SLC15A4: variants seen among roughly 807,000 people sequenced by gnomAD.
SLC15A4 encodes the protein hPHT1.
A neutral mutation model predicts 46.1 loss-of-function variants in SLC15A4; 26 were observed. That is an observed-to-expected ratio of 0.56 (90% CI 0.41 to 0.78). SLC15A4 has a LOEUF of 0.78. Ranked by LOEUF, SLC15A4 falls within the 30% of genes least tolerant of loss-of-function variation. The probability of loss-of-function intolerance (pLI) is 0.00; values close to 1 mark genes in which losing one functional copy is unlikely to be tolerated. For missense variants in SLC15A4, 751 were observed against 755.7 expected (o/e 0.99, Z 0.07); for synonymous variants, 370 against 333.4 (o/e 1.11, Z -1.20).
chr12:128,811,095 AGAC>A (rs1955651145), intron 2 of SLC15A4, among the ~76,000 whole-genome samples: 1 of 152,182 alleles, frequency 6.6e-6, no homozygotes, highest in Non-Finnish European at 1.5e-5. Flanking sequence ...AGGCCCCACT[AGAC>A]AGCTCCGCAC....
intron 6 of SLC15A4, among the ~76,000 whole-genome samples, chr12:128,800,480 T>C (rs1955504197): frequency 6.6e-6 from 1 of 152,238 alleles, no homozygotes; most frequent in East Asian, 1.9e-4. Context: ...AAATTAGATC[T>C]GCTTCTTTAC....
At position 128,823,883 on chromosome 12, in the gene SLC15A4, C is replaced by A. The variant is rs2135729364; in HGVS notation, c.61G>T (p.Ala21Ser). The change falls in exon 1 of 8, where the codon GCG becomes TCG. Residue 21 changes from alanine (A) to serine (S), a missense_variant. Transcript: ENST00000266771. ...GCCCCAGCCGCCGCCGCGGCCGCCG[C>A]CGCCCGCCGCGCGCCCAGCAGCGGC... ...RAPLLGARRA[A>S]AAAAAAGAFA... The A allele has an allele frequency of 2.1e-6, 2 of 958,414 alleles. No individual in the cohort carries two copies. The highest frequency in any genetic ancestry group is 1.8e-5 in the African/African-American group (1 of 56,254). The allele number at this position is 958,414 out of a possible 1,614,324, so 59.4% of individuals were successfully genotyped here. A position where few individuals can be genotyped will look rare whatever the true frequency, so the allele number is the denominator to read the frequency against.
At chr12:128,800,160 A>G (rs1955498216) in intron 6 of SLC15A4, among the ~76,000 whole-genome samples, 1 of 152,146 alleles carries the variant, frequency 6.6e-6, no homozygotes, top group African/African-American at 2.4e-5. Flanking sequence ...CTTCAAAACT[A>G]TTTTGGCAGG....
chr12:128,794,122 C>A lies in SLC15A4; in HGVS notation c.*74G>T. ...CAGACATTTTATGGGAATTTAAAGT[C>A]TTGCCTGTTCTCAGTGCACCCCAGT... is the stretch of plus-strand genomic sequence containing the variant. On this transcript the variant is annotated 3_prime_UTR_variant, in exon 8 of 8. Transcript: ENST00000266771. 1 of 1,357,184 alleles carries A rather than the reference C, an allele frequency of 7.4e-7. No individual in the cohort carries two copies. The allele number at this position is 1,357,184 out of a possible 1,614,324, so 84.1% of individuals were successfully genotyped here. A position where few individuals can be genotyped will look rare whatever the true frequency, so the allele number is the denominator to read the frequency against.
At chr12:128,810,414 G>A (rs1379259351) in intron 2 of SLC15A4, 2 of 331,028 alleles carry the variant, frequency 6.0e-6, no homozygotes, top group South Asian at 3.3e-5. Context: ...GAGAGCCCCA[G>A]CGCAGCTGCC....
In SLC15A4 at chr12:128,799,313, G is replaced by A; in HGVS notation, c.1519C>T (p.Leu507=). 6.2e-7 allele frequency: 1 copy of A among 1,614,140 alleles called. No homozygotes were observed. ...ATGGCTTTGATAGACACCAGTGCCA[G>A]CAGTCCAGAACCCACGAACGACCCG... ...GVGSFVGSGL[L]ALVSIKAIGW... The change falls in exon 7 of 8, where the codon CTG becomes TTG. Residue 507 remains leucine, a synonymous_variant. Coordinates refer to ENST00000266771, the MANE Select transcript of SLC15A4 (RefSeq NM_145648.4).
At chr12:128,803,099 C>G (rs887238020) in intron 5 of SLC15A4, among the ~76,000 whole-genome samples, 2 of 141,086 alleles carry the variant, frequency 1.4e-5, no homozygotes, top group African/African-American at 5.1e-5. Flanking sequence ...GGATGCGACG[C>G]TGGATAATCA....
chr12:128,794,766 G>A (rs531949630), intron 7 of SLC15A4, among the ~76,000 whole-genome samples: 33 of 152,320 alleles, frequency 2.2e-4, no homozygotes, highest in African/African-American at 7.0e-4. Context: ...AAGGCCGCAC[G>A]ACAAGGCTGC....
At chr12:128,798,459 C>A (rs955347255) in intron 7 of SLC15A4, among the ~76,000 whole-genome samples, 5 of 152,192 alleles carry the variant, frequency 3.3e-5, no homozygotes, top group Non-Finnish European at 5.9e-5. Flanking sequence ...CATGGAAGGG[C>A]TCTGGGAATT....
chr12:128,802,126 C>A (rs536370903), intron 5 of SLC15A4, among the ~76,000 whole-genome samples: 34 of 152,280 alleles, frequency 2.2e-4, no homozygotes, highest in Admixed American at 1.2e-3. Context: ...CCAATCCTTC[C>A]ACTCCGCCCT....
At position 128,810,239 on chromosome 12, in the gene SLC15A4, T is replaced by C. The variant is rs921992990; in HGVS notation, c.843-128A>G. The C allele has an allele frequency of 1.3e-5, 11 of 825,038 alleles. No individual in the cohort carries two copies. In the African/African-American group the frequency reaches 1.7e-4, roughly 13 times the overall value. The allele number at this position is 825,038 out of a possible 1,614,324, so 51.1% of individuals were successfully genotyped here. On this transcript the variant is annotated intron_variant, in intron 2 of 7. Transcript: ENST00000266771. The stretch of plus-strand genomic sequence containing the variant: ...AATCTGCTTCAACTCATTCCATCAC[T>C]TACTAATTGTACACACCCAACACAG...
chr12:128,808,834 C>A lies in SLC15A4; in HGVS notation c.1212G>T (p.Arg404Ser). ...RHGLLPSSLKRIAVGMFFVMC... is the reference protein window; with the variant it reads ...RHGLLPSSLKSIAVGMFFVMC... The stretch of plus-strand genomic sequence containing the variant: ...TGACAAAGAACATGCCCACGGCGAT[C>A]CTCTTCAGGGAGGATGGGAGCAGGC... The change falls in exon 5 of 8, where the codon AGG (arginine) becomes AGT (serine). Residue 404 changes from arginine to serine, a missense_variant. Coordinates refer to ENST00000266771, the MANE Select transcript of SLC15A4 (RefSeq NM_145648.4). 6.2e-7 allele frequency: 1 copy of A among 1,614,200 alleles called. No homozygotes were observed. The highest frequency in any genetic ancestry group is 8.5e-7 in the Non-Finnish European group (1 of 1,180,044).
chr12:128,804,223 G>C (rs1955552565), intron 5 of SLC15A4, among the ~76,000 whole-genome samples: 1 of 152,094 alleles, frequency 6.6e-6, no homozygotes, highest in African/African-American at 2.4e-5. Context: ...ATTAACAAAA[G>C]TATAAACAAA....
chr12:128,823,773 G>T lies in SLC15A4; in HGVS notation c.171C>A (p.Asn57Lys). ...GCGCCCCGTTCAGGAATAGCACCAGGTTGGACGTGATGCCGTAGAAAGCGG... is the reference window on the plus strand; with the variant it reads ...GCGCCCCGTTCAGGAATAGCACCAGTTTGGACGTGATGCCGTAGAAAGCGG... The part of the protein sequence containing the change: ...ERAAFYGITS[N>K]LVLFLNGAPF... Residue 57 changes from asparagine (N) to lysine (K), a missense_variant, in exon 1 of 8, where the codon AAC becomes AAA. Coordinates refer to ENST00000266771, the MANE Select transcript of SLC15A4 (RefSeq NM_145648.4). The T allele has an allele frequency of 1.3e-6, 2 of 1,526,000 alleles. No individual in the cohort carries two copies. Among genetic ancestry groups the T allele is most frequent in the East Asian group, 5.3e-5 (2 of 37,400 alleles). 94.5% of individuals were successfully genotyped at this position (1,526,000 alleles called of 1,614,324 possible).
At position 128,798,749 on chromosome 12, in the gene SLC15A4, T is replaced by G. The variant is rs1955478052; in HGVS notation, c.1573+510A>C. Among the ~76,000 whole-genome samples the G allele has an allele frequency of 2.0e-5, 3 of 152,218 alleles. No homozygotes were observed. In the South Asian group the frequency reaches 6.2e-4, roughly 32 times the overall value. ...CACTCAAGATGCCACCTACTGGTATTAATTGTAAAAACCCATTATGATTGA... is the reference window on the plus strand; with the variant it reads ...CACTCAAGATGCCACCTACTGGTATGAATTGTAAAAACCCATTATGATTGA... On this transcript the variant is annotated intron_variant, in intron 7 of 7. Coordinates refer to ENST00000266771, the MANE Select transcript of SLC15A4 (RefSeq NM_145648.4).
chr12:128,812,598 G>C (rs976007756), intron 2 of SLC15A4, among the ~76,000 whole-genome samples: 5 of 152,086 alleles, frequency 3.3e-5, no homozygotes, highest in Non-Finnish European at 7.4e-5. Context: ...TTACGGGCTT[G>C]AGCCACCACG....
chr12:128,807,973 C>G (rs550532621), intron 5 of SLC15A4, among the ~76,000 whole-genome samples: 34 of 152,300 alleles, frequency 2.2e-4, no homozygotes, highest in African/African-American at 8.2e-4. Context: ...ATATTAAATT[C>G]CATTTCAGCA....
intron 7 of SLC15A4, among the ~76,000 whole-genome samples, chr12:128,798,841 G>C (rs959310666): frequency 6.6e-6 from 1 of 152,182 alleles, no homozygotes; most frequent in African/African-American, 2.4e-5. Context: ...TATCAGAAAA[G>C]GTGCTGTTAG....
Position 128,794,045 on chromosome 12 carries a change from G to A in SLC15A4, c.*151C>T, listed in dbSNP as rs553244741. 108 of 795,144 alleles carry A rather than the reference G, an allele frequency of 1.4e-4. No individual in the cohort carries two copies. The African/African-American group carries it at 1.4e-3, about 11-fold the overall frequency. The allele number at this position is 795,144 out of a possible 1,614,324, so 49.3% of individuals were successfully genotyped here. A position where few individuals can be genotyped will look rare whatever the true frequency, so the allele number is the denominator to read the frequency against. On this transcript the variant is annotated 3_prime_UTR_variant, in exon 8 of 8. Transcript: ENST00000266771. ...GTAAGGCACTTACCAAGCTCCTTTG[G>A]ATAGAGGGAAAGAAGAAATCAATCC... is the stretch of plus-strand genomic sequence containing the variant.
Sources: gnomAD v4.1 joint callset for allele counts (sites outside exome capture counted in the v4.1 genomes callset) on GRCh38, gnomAD v4.1.1 for gene constraint, MANE v1.5 for transcripts, NCBI Gene and HGNC (gene_info 2026-07-23, HGNC 2026-07-21) for gene names.